EVC: variants seen among roughly 807,000 people sequenced by gnomAD.
The protein encoded by EVC is evC complex member EVC.
In EVC, 116 loss-of-function variants were observed where a neutral mutation model predicts 118.9. The ratio of observed to expected loss-of-function variants is 0.98; its 90% CI spans 0.84 to 1.14. The LOEUF is 1.14. Ranked by LOEUF, EVC falls within the 50% of genes most tolerant of loss-of-function variation. EVC has a pLI of 0.00. For synonymous variants in EVC, 619 were observed against 534.7 expected, an observed-to-expected ratio of 1.16 and a Z score of -2.18; for missense variants, 1,401 against 1,246.4, an observed-to-expected ratio of 1.12 and a Z score of -1.87.
intron 5 of EVC, among the ~76,000 whole-genome samples, chr4:5,740,545 T>C (rs1007796419): frequency 3.3e-5 from 5 of 151,672 alleles, no homozygotes; most frequent in Non-Finnish European, 5.9e-5. Flanking sequence ...AAAGAGTTTT[T>C]AGACTTGACA....
chr4:5,727,020 C>T (rs910023576), intron 2 of EVC, among the ~76,000 whole-genome samples: 26 of 152,042 alleles, frequency 1.7e-4, no homozygotes, highest in South Asian at 1.3e-3. Context: ...TGAATAGTGC[C>T]GCAATAAATA....
chr4:5,766,795 A>C (rs1425138226), intron 11 of EVC, among the ~76,000 whole-genome samples: 1 of 138,038 alleles, frequency 7.2e-6, no homozygotes, highest in Non-Finnish European at 1.6e-5. Flanking sequence ...TATTCTAGTT[A>C]TACATTCATC....
Position 5,711,442 on chromosome 4 carries a change from T to C in EVC, c.62T>C (p.Leu21Pro). The C allele has an allele frequency of 2.0e-6, 2 of 1,024,270 alleles. No individual in the cohort carries two copies. Among genetic ancestry groups the C allele is most frequent in the South Asian group, 4.3e-5 (1 of 23,014 alleles). The allele number at this position is 1,024,270 out of a possible 1,614,324, so 63.4% of individuals were successfully genotyped here. A position where few individuals can be genotyped will look rare whatever the true frequency, so the allele number is the denominator to read the frequency against. Residue 21 changes from leucine to proline, a missense_variant, in exon 1 of 21, where the codon CTG (leucine) becomes CCG (proline). Transcript: ENST00000264956. ...CGGCTGCTGCTGGGGCGGGACGCGC[T>C]GCGGCCGGCGCCCGCCCTGCTGGCC... Reference protein sequence around the residue: ...DARLLLGRDALRPAPALLAPA... With the variant: ...DARLLLGRDAPRPAPALLAPA...
chr4:5,824,342 C>T, the EVC span: 7 of 985,406 alleles, frequency 7.1e-6, no homozygotes, highest in Non-Finnish European at 8.4e-6. Context: ...ACACTGGAAG[C>T]TCTTCCATCA....
At chr4:5,773,470 C>T (rs917135934) in intron 11 of EVC, among the ~76,000 whole-genome samples, 2 of 152,150 alleles carry the variant, frequency 1.3e-5, no homozygotes, top group African/African-American at 4.8e-5. Context: ...ACCTCACTTC[C>T]ACCTCATTCT....
chr4:5,795,422 T>TG (rs1560422107), intron 13 of EVC, among the ~76,000 whole-genome samples: 1 of 151,956 alleles, frequency 6.6e-6, no homozygotes, highest in Non-Finnish European at 1.5e-5. Flanking sequence ...GAGGCTGAGG[T>TG]GGGCAGATCG....
chr4:5,723,360 G>T (rs561897269), intron 2 of EVC, among the ~76,000 whole-genome samples: 89 of 151,864 alleles, frequency 5.9e-4, no homozygotes, highest in Admixed American at 2.1e-3. Flanking sequence ...CAGCTAATTT[G>T]TGTATTTTTT....
chr4:5,828,364 T>C, the EVC span: 1 of 1,442,774 alleles, frequency 6.9e-7, no homozygotes, highest in Non-Finnish European at 9.1e-7. Context: ...ATTTAACAGA[T>C]AAGGAAACGG....
At position 5,776,525 on chromosome 4, in the gene EVC, A is replaced by G. The variant is rs551492274; in HGVS notation, c.1564-7027A>G. 5.9e-5 allele frequency among the ~76,000 whole-genome samples: 9 copies of G among 152,284 alleles called. No homozygotes were observed. The South Asian group carries it at 1.0e-3, about 18-fold the overall frequency. ...CTTTTACATGTAAAGAGGAAGCCTC[A>G]GTTTCCTCATCTGTAAATTTCTTCC... On this transcript the variant is annotated intron_variant, in intron 11 of 20. Coordinates refer to ENST00000264956, the MANE Select transcript of EVC (RefSeq NM_153717.3).
In EVC at chr4:5,808,244, C is replaced by T. The variant is rs764467481; in HGVS notation, c.2605C>T (p.His869Tyr). ...QKRFLAQFPV[H>Y]QQMRLHAQQQ... ...GAGGTTCCTGGCCCAGTTCCCAGTG[C>T]ACCAGCAGATGCGTCTGCACGCCCA... Residue 869 changes from histidine (H) to tyrosine (Y), a missense_variant, in exon 18 of 21, where the codon CAC (histidine) becomes TAC (tyrosine). By Grantham distance (83) the His-to-Tyr change is moderately conservative (BLOSUM62 2). Coordinates refer to ENST00000264956, the MANE Select transcript of EVC (RefSeq NM_153717.3). 6.2e-7 allele frequency: 1 copy of T among 1,610,336 alleles called. No homozygotes were observed. The highest frequency in any genetic ancestry group is 8.5e-7 in the Non-Finnish European group (1 of 1,178,828).
At chr4:5,774,287 C>G (rs963146136) in intron 11 of EVC, among the ~76,000 whole-genome samples, 1 of 151,702 alleles carries the variant, frequency 6.6e-6, no homozygotes, top group African/African-American at 2.4e-5. Flanking sequence ...GGGAATTATT[C>G]TCACCTCTTT....
At chr4:5,825,598 G>C in the EVC span, 1 of 1,603,374 alleles carries the variant, frequency 6.2e-7, no homozygotes. The surrounding 1 kb of genome is among the most constrained non-coding windows in gnomAD (Gnocchi z 4.4). Context: ...TTTGGGTGTA[G>C]CTGGTACCTC....
In EVC at chr4:5,749,422, A is replaced by G. The variant is rs1730015038; in HGVS notation, c.1098+1116A>G. ...GATAAGCAAAAAAGTCCTCACATTCAAAGGGTTGGACACCCGTGGGAGAGA... is the reference window on the plus strand; with the variant it reads ...GATAAGCAAAAAAGTCCTCACATTCGAAGGGTTGGACACCCGTGGGAGAGA... On this transcript the variant is annotated intron_variant, in intron 8 of 20. Transcript: ENST00000264956. This position sits in a 1 kb window ranked among gnomAD's most constrained non-coding sequence, Gnocchi z 4.4. 6.6e-6 allele frequency among the ~76,000 whole-genome samples: 1 copy of G among 151,706 alleles called. No homozygotes were observed. Among genetic ancestry groups the G allele is most frequent in the Non-Finnish European group, 1.5e-5 (1 of 68,012 alleles).
chr4:5,711,325 CG>C lies in EVC; in HGVS notation c.-52del. ...TCCAAGTCCCGCGTCGCCGCCCTGG[CG>C]GGGACGGTGCAGCAGGCGGCGGGAT... is the stretch of plus-strand genomic sequence containing the variant. On this transcript the variant is annotated 5_prime_UTR_variant, in exon 1 of 21. Transcript: ENST00000264956. 1.0e-6 allele frequency: 1 copy of C among 998,360 alleles called. No homozygotes were observed. 61.8% of individuals were successfully genotyped at this position (998,360 alleles called of 1,614,324 possible). A position where few individuals can be genotyped will look rare whatever the true frequency, so the allele number is the denominator to read the frequency against.
intron 1 of EVC, among the ~76,000 whole-genome samples, chr4:5,718,075 A>G (rs914766088): frequency 6.6e-6 from 1 of 152,188 alleles, no homozygotes; most frequent in East Asian, 1.9e-4. Flanking sequence ...GCAGGTAGTG[A>G]TTAAAGGGGA....
At chr4:5,808,726 G>A (rs776022591) in intron 18 of EVC, among the ~76,000 whole-genome samples, 2 of 152,228 alleles carry the variant, frequency 1.3e-5, no homozygotes, top group African/African-American at 2.4e-5. Flanking sequence ...TTTATTTACA[G>A]CAAACAGGAA....
intron 9 of EVC, 86 bp from the exon 10 acceptor site, chr4:5,753,699 C>G: frequency 1.9e-6 from 3 of 1,573,290 alleles, no homozygotes; most frequent in Admixed American, 1.7e-5. Flanking sequence ...CTTCCCCAAC[C>G]TCCAGACAGG....
intron 2 of EVC, among the ~76,000 whole-genome samples, chr4:5,728,961 C>T (rs748114841): frequency 7.9e-5 from 12 of 151,934 alleles, no homozygotes; most frequent in Non-Finnish European, 8.8e-5. Context: ...TTTTTTCATC[C>T]ACCCATCTAT....
chr4:5,821,833 T>G, the EVC span: 1 of 1,594,178 alleles, frequency 6.3e-7, no homozygotes. This position sits in a 1 kb window ranked among gnomAD's most constrained non-coding sequence, Gnocchi z 4.4. Context: ...CCTGGGATTG[T>G]TGTCATCTAT....
Sources: gnomAD v4.1 joint callset for allele counts (sites outside exome capture counted in the v4.1 genomes callset) on GRCh38, gnomAD v4.1.1 for gene constraint, Gnocchi (gnomAD v3.1) non-coding constraint, MANE v1.5 for transcripts, NCBI Gene and HGNC (gene_info 2026-07-23, HGNC 2026-07-21) for gene names.